The following DDX60 variants were observed in gnomAD, a reference collection of about 807,000 sequenced individuals.
DDX60 encodes the protein DExD/H-box helicase 60, also known as probable ATP-dependent RNA helicase DDX60.
In DDX60, 165 loss-of-function variants were observed where a neutral mutation model predicts 212.8. The ratio of observed to expected loss-of-function variants is 0.78; its 90% CI spans 0.68 to 0.88. DDX60 has a LOEUF of 0.88. Among genes scored for constraint, DDX60 ranks in the 40% least tolerant of loss-of-function variants. DDX60 has a pLI of 0.00. For missense variants in DDX60, 1,905 were observed against 2,003.9 expected (o/e 0.95, Z 0.94); for synonymous variants, 703 against 685.3 (o/e 1.03, Z -0.40).
intron 16 of DDX60, among the ~76,000 whole-genome samples, chr4:168,274,710 T>C (rs1735255497): frequency 6.6e-6 from 1 of 152,112 alleles, no homozygotes; most frequent in Admixed American, 6.5e-5. Context: ...AAGGAACCGG[T>C]CTTCCTATTC....
At chr4:168,300,153 A>AATACGCT (rs61420700) in intron 6 of DDX60, among the ~76,000 whole-genome samples, 1 of 151,558 alleles carries the variant, frequency 6.6e-6, no homozygotes, top group Admixed American at 6.6e-5. Context: ...GAAAATCATT[A>AATACGCT]ATACAATACT....
At chr4:168,284,718 CA>C in intron 12 of DDX60, 101 bp downstream of exon 12, 5 of 556,092 alleles carry the variant, frequency 9.0e-6, no homozygotes, top group African/African-American at 3.8e-5. Context: ...TATTTTCATT[CA>C]AAAAAATTTA....
intron 1 of DDX60, among the ~76,000 whole-genome samples, chr4:168,315,819 C>A (rs1041324746): frequency 1.3e-5 from 2 of 152,086 alleles, no homozygotes; most frequent in Non-Finnish European, 2.9e-5. Context: ...CTTTATCCAG[C>A]CTATCATTAA....
At chr4:168,218,758 T>C (rs1034342621) in intron 37 of DDX60, among the ~76,000 whole-genome samples, 8 of 152,162 alleles carry the variant, frequency 5.3e-5, no homozygotes, top group Non-Finnish European at 7.4e-5. Flanking sequence ...AGTCTATCCC[T>C]GACACATCAG....
intron 10 of DDX60, among the ~76,000 whole-genome samples, 170 bp from the exon 11 acceptor site, chr4:168,285,668 T>C (rs1194427785): frequency 1.3e-5 from 2 of 151,280 alleles, no homozygotes; most frequent in Non-Finnish European, 2.9e-5. Context: ...TAAAACACTT[T>C]GGAACACAGT....
Position 168,220,652 on chromosome 4 carries a change from C to T in DDX60, c.5039+3G>A, listed in dbSNP as rs1733020833. On this transcript the variant is annotated splice_donor_region_variant and intron_variant, in intron 37 of 37. Transcript: ENST00000393743. ...AAAATCAATATTTAAATATATAACA[C>T]ACCTGATAGATTTAATGGTGAGTGC... 2 of 1,392,464 alleles carry T rather than the reference C, an allele frequency of 1.4e-6. No homozygotes were observed. The highest frequency in any genetic ancestry group is 1.5e-5 in the African/African-American group (1 of 66,784). 86.3% of individuals were successfully genotyped at this position (1,392,464 alleles called of 1,614,324 possible). A position where few individuals can be genotyped will look rare whatever the true frequency, so the allele number is the denominator to read the frequency against.
rs765413695 is a variant in DDX60, at chr4:168,284,838, AC to A, written c.1542del (p.Arg514SerfsTer33). ...SHKPLSDDYDRSRCQFDEKSR... is the reference protein window; with the variant it reads ...SHKPLSDDYDXSRCQFDEKSR... ...AGCTTACCATCAAACTGACACCTGG[AC>A]CTGTCATAATCATCACTCAGGGGTT... On this transcript the variant is annotated frameshift_variant, in exon 12 of 38. Coordinates refer to ENST00000393743, the MANE Select transcript of DDX60 (RefSeq NM_017631.6). LOFTEE classifies it high-confidence loss of function. 1 of 1,557,590 alleles carries A rather than the reference AC, an allele frequency of 6.4e-7. No individual in the cohort carries two copies. Among genetic ancestry groups the A allele is most frequent in the Non-Finnish European group, 8.7e-7 (1 of 1,144,356 alleles).
In DDX60 at chr4:168,217,014, T is replaced by G. The variant is rs773774011; in HGVS notation, c.5058A>C (p.Leu1686=). The G allele has an allele frequency of 6.2e-7, 1 of 1,605,828 alleles. No individual in the cohort carries two copies. Among genetic ancestry groups the G allele is most frequent in the Non-Finnish European group, 8.5e-7 (1 of 1,177,280 alleles). The change falls in exon 38 of 38, where the codon CTA becomes CTC. Residue 1686 remains leucine (L), a synonymous_variant. Coordinates refer to ENST00000393743, the MANE Select transcript of DDX60 (RefSeq NM_017631.6). ...IKSISVSLRE[L]CENEDDNVVL... ...CAACGTTGTCGTCTTCATTTTCACA[T>G]AGCTCACGCAAGGAAACACTGGAAA...
At chr4:168,280,738 G>A in intron 13 of DDX60, 148 bp from the exon 14 acceptor site, 1 of 844,812 alleles carries the variant, frequency 1.2e-6, no homozygotes, top group Non-Finnish European at 1.7e-6. Flanking sequence ...TTTTCTTTTG[G>A]AAATTAAGCC....
intron 7 of DDX60, 143 bp from the exon 8 acceptor site, chr4:168,292,049 C>CTTTCCTTTTTTTTT: frequency 6.6e-6 from 2 of 302,362 alleles, no homozygotes; most frequent in Non-Finnish European, 5.6e-6. Context: ...TTCTTTCTTT[C>CTTTCCTTTTTTTTT]TTTTTTTTTT....
In DDX60 at chr4:168,283,454, T is replaced by G. The variant is rs757222187; in HGVS notation, c.1714A>C (p.Lys572Gln). ...GAATTTATAGAACCTACGTGTGCCT[T>G]TTTGCTCTTGGGCCCACTAAAATCC... is the stretch of plus-strand genomic sequence containing the variant. ...KKDFSGPKSK[K>Q]AHETKAEIIA... The change falls in exon 13 of 38, where the codon AAG (lysine) becomes CAG (glutamine). Residue 572 changes from lysine (K) to glutamine (Q), a missense_variant. Physicochemically the swap from Lys to Gln is moderately conservative, Grantham distance 53 (BLOSUM62 1). Transcript: ENST00000393743. 3.1e-6 allele frequency: 5 copies of G among 1,613,164 alleles called. No homozygotes were observed. Among genetic ancestry groups the G allele is most frequent in the Non-Finnish European group, 4.2e-6 (5 of 1,179,562 alleles).
intron 6 of DDX60, among the ~76,000 whole-genome samples, chr4:168,297,357 A>T (rs891928153): frequency 1.4e-5 from 1 of 71,150 alleles, no homozygotes; most frequent in African/African-American, 1.1e-4. Flanking sequence ...AAAGAAAGAA[A>T]GAAAGAAAGA....
intron 6 of DDX60, among the ~76,000 whole-genome samples, chr4:168,297,155 T>G (rs1164660335): frequency 6.6e-6 from 1 of 151,662 alleles, no homozygotes; most frequent in Non-Finnish European, 1.5e-5. Context: ...GTGATTCACC[T>G]ACCTTGGCCT....
chr4:168,238,388 G>C (rs1021518260), intron 30 of DDX60, among the ~76,000 whole-genome samples: 1 of 123,144 alleles, frequency 8.1e-6, no homozygotes, highest in Non-Finnish European at 1.6e-5. Context: ...AATAAGGAAG[G>C]GAAGGGAAAG....
chr4:168,315,040 G>A (rs1423449859), intron 1 of DDX60, among the ~76,000 whole-genome samples: 13 of 152,138 alleles, frequency 8.5e-5, no homozygotes, highest in African/African-American at 2.2e-4. Context: ...ACTGTTGGCC[G>A]ACTACTTGCA....
At chr4:168,241,886 C>A (rs949160952) in intron 30 of DDX60, among the ~76,000 whole-genome samples, 5 of 152,088 alleles carry the variant, frequency 3.3e-5, no homozygotes, top group African/African-American at 1.2e-4. Context: ...GTGGCAGCCC[C>A]TTTCATCACA....
chr4:168,263,919 T>C (rs1734730062), intron 22 of DDX60, among the ~76,000 whole-genome samples: 1 of 152,226 alleles, frequency 6.6e-6, no homozygotes, highest in African/African-American at 2.4e-5. Context: ...ATAGGATTCT[T>C]TGGGATTTCT....
At chr4:168,241,018 C>A (rs72971488) in intron 30 of DDX60, among the ~76,000 whole-genome samples, 4,242 of 152,288 alleles carry the variant, frequency 0.028, 165 homozygotes, top group African/African-American at 0.093. Context: ...CTTGCCCATG[C>A]AGTTCTCCTA....
chr4:168,275,950 T>C, intron 15 of DDX60, 65 bp downstream of exon 15: 1 of 1,387,104 alleles, frequency 7.2e-7, no homozygotes, highest in Non-Finnish European at 9.5e-7. Flanking sequence ...TGACTATCTT[T>C]GCAAAACACT....
Sources: allele counts gnomAD v4.1 joint callset (sites outside exome capture counted in the v4.1 genomes callset), GRCh38; gene constraint gnomAD v4.1.1; transcripts MANE v1.5; gene names NCBI Gene and HGNC (gene_info 2026-07-23, HGNC 2026-07-21).